Variants in FKBP9 observed in about 807,000 individuals in gnomAD.
FKBP9 encodes peptidyl-prolyl cis-trans isomerase FKBP9.
FKBP9 carries 27 observed loss-of-function variants against 55.6 expected under a neutral mutation model. The ratio of observed to expected loss-of-function variants is 0.49; its 90% CI spans 0.36 to 0.67. FKBP9 has a LOEUF of 0.67. Ranked by LOEUF, FKBP9 falls within the 30% of genes least tolerant of loss-of-function variation. FKBP9 has a pLI of 0.00. For synonymous variants in FKBP9, 267 were observed against 296.5 expected, an observed-to-expected ratio of 0.90 and a Z score of 1.02; for missense variants, 539 against 742.8, an observed-to-expected ratio of 0.73 and a Z score of 3.19.
chr7:32,983,439 C>T (rs187861637), intron 5 of FKBP9, among the ~76,000 whole-genome samples: 37 of 151,498 alleles, frequency 2.4e-4, no homozygotes, highest in African/African-American at 6.8e-4. Flanking sequence ...CTCAGCCTCC[C>T]GAGTAGCTAG....
chr7:32,986,998 A>G (rs1376486907), intron 5 of FKBP9, among the ~76,000 whole-genome samples: 2 of 152,210 alleles, frequency 1.3e-5, no homozygotes, highest in African/African-American at 2.4e-5. Flanking sequence ...AACTCATGGT[A>G]ATAGAATCAC....
At chr7:32,975,985 G>T (rs1363179428) in intron 3 of FKBP9, among the ~76,000 whole-genome samples, 1 of 152,124 alleles carries the variant, frequency 6.6e-6, no homozygotes, top group Non-Finnish European at 1.5e-5. Flanking sequence ...TGCACGTTTT[G>T]GTTCCTTTTT....
chr7:33,000,229 G>A lies in FKBP9; in HGVS notation c.1341G>A (p.Pro447=), dbSNP rs769297248. 66 of 1,612,912 alleles carry A rather than the reference G, an allele frequency of 4.1e-5. No individual in the cohort carries two copies. The highest frequency in any genetic ancestry group is 5.2e-5 in the Non-Finnish European group (61 of 1,179,476). ...CVGEKRTVII[P]PHLGYGEAGV... ...GCGAGAAACGGACAGTGATCATTCC[G>A]CCTCACCTGGGCTATGGGGAAGCTG... Residue 447 remains proline, a synonymous_variant, in exon 8 of 10, where the codon CCG becomes CCA. Coordinates refer to ENST00000242209, the MANE Select transcript of FKBP9 (RefSeq NM_007270.5).
At chr7:32,987,960 AC>A (rs1784608278) in intron 5 of FKBP9, among the ~76,000 whole-genome samples, 1 of 152,094 alleles carries the variant, frequency 6.6e-6, no homozygotes, top group Admixed American at 6.6e-5. Context: ...CAGGAGGATC[AC>A]TTGATCCAGG....
intron 5 of FKBP9, among the ~76,000 whole-genome samples, chr7:32,987,440 A>G (rs1415025385): frequency 6.6e-6 from 1 of 150,860 alleles, no homozygotes; most frequent in African/African-American, 2.4e-5. Flanking sequence ...GGCTGCAGTG[A>G]GCTGAGACCA....
At chr7:32,971,438 T>TTTC (rs939369704) in intron 1 of FKBP9, among the ~76,000 whole-genome samples, 2 of 152,126 alleles carry the variant, frequency 1.3e-5, no homozygotes, top group African/African-American at 4.8e-5. Flanking sequence ...GCAACAACTC[T>TTTC]TTCTTTCTTC....
At chr7:32,977,030 G>A (rs576938861) in intron 4 of FKBP9, among the ~76,000 whole-genome samples, 4 of 152,184 alleles carry the variant, frequency 2.6e-5, no homozygotes, top group Admixed American at 6.5e-5. Flanking sequence ...AGATTTCCCC[G>A]TTTGCACCTC....
At chr7:32,985,432 G>C (rs565545234) in intron 5 of FKBP9, among the ~76,000 whole-genome samples, 1 of 151,078 alleles carries the variant, frequency 6.6e-6, no homozygotes, top group African/African-American at 2.4e-5. Context: ...CACCCACCTC[G>C]GCCTCCCAAA....
Position 32,988,624 on chromosome 7 carries a change from T to A in FKBP9, c.1011T>A (p.Pro337=). ...AAAAGCGAAGGATTGTGGTCCCGCCTCACCTGGGGTATGGAGAGGAAGGAA... is the reference window on the plus strand; with the variant it reads ...AAAAGCGAAGGATTGTGGTCCCGCCACACCTGGGGTATGGAGAGGAAGGAA... ...IGEKRRIVVP[P]HLGYGEEGRG... The change falls in exon 6 of 10, where the codon CCT becomes CCA. Residue 337 remains proline, a synonymous_variant. Transcript: ENST00000242209. The A allele has an allele frequency of 6.2e-7, 1 of 1,613,994 alleles. No individual in the cohort carries two copies. The highest frequency in any genetic ancestry group is 8.5e-7 in the Non-Finnish European group (1 of 1,179,858).
chr7:32,962,015 T>TC (rs1784035656), intron 1 of FKBP9, among the ~76,000 whole-genome samples: 1 of 151,436 alleles, frequency 6.6e-6, no homozygotes, highest in Non-Finnish European at 1.5e-5. Flanking sequence ...CCCAAAACCA[T>TC]CCCCCCACCC....
Position 32,969,567 on chromosome 7 carries a change from C to G in FKBP9, c.222-5050C>G, listed in dbSNP as rs1045406029. On this transcript the variant is annotated intron_variant, in intron 1 of 9. Transcript: ENST00000242209. The stretch of plus-strand genomic sequence containing the variant: ...AAGTTTATTTCTGGGCTATTTTGAT[C>G]TATTGGTCTATGTGTCTGTATTTGG... Among the ~76,000 whole-genome samples the G allele has an allele frequency of 9.2e-5, 14 of 152,142 alleles. 1 individual carries two copies. The South Asian group carries it at 2.5e-3, about 27-fold the overall frequency.
intron 4 of FKBP9, chr7:32,979,363 A>C (rs1784425916): frequency 1.5e-6 from 1 of 648,210 alleles, no homozygotes; most frequent in East Asian, 2.7e-5. Context: ...AAGGCACAAA[A>C]GATTAATATT....
chr7:32,988,029 T>C (rs963107138), intron 5 of FKBP9, among the ~76,000 whole-genome samples: 1 of 149,964 alleles, frequency 6.7e-6, no homozygotes, highest in African/African-American at 2.4e-5. Context: ...AAAAAAAAAG[T>C]ATTAGCTAGG....
At chr7:32,998,464 G>T (rs1562575765) in intron 7 of FKBP9, 3 of 152,144 alleles carry the variant, frequency 2.0e-5, no homozygotes. Context: ...ATAACATCCT[G>T]GCAGAGCACT....
intron 1 of FKBP9, among the ~76,000 whole-genome samples, chr7:32,972,107 T>C (rs1784264391): frequency 6.6e-6 from 1 of 152,148 alleles, no homozygotes; most frequent in Admixed American, 6.5e-5. Flanking sequence ...CCCATTATTA[T>C]AATAAATCTG....
intron 1 of FKBP9, among the ~76,000 whole-genome samples, chr7:32,962,013 C>T (rs1054446935): frequency 4.0e-5 from 6 of 151,878 alleles, no homozygotes; most frequent in African/African-American, 1.5e-4. Context: ...ATCCCAAAAC[C>T]ATCCCCCCAC....
At chr7:33,001,483 C>T (rs192599489) in intron 8 of FKBP9, among the ~76,000 whole-genome samples, 105 of 151,830 alleles carry the variant, frequency 6.9e-4, no homozygotes, top group East Asian at 5.6e-3. Flanking sequence ...TGCAGTGAGC[C>T]GAGATCGTGC....
Position 32,974,692 on chromosome 7 carries a change from T to C in FKBP9, c.297T>C (p.Val99=). 1 of 1,613,942 alleles carries C rather than the reference T, an allele frequency of 6.2e-7. No homozygotes were observed. Among genetic ancestry groups the C allele is most frequent in the South Asian group, 1.1e-5 (1 of 91,068 alleles). Residue 99 remains valine, a synonymous_variant, in exon 2 of 10, where the codon GTT becomes GTC. Transcript: ENST00000242209. ...TCACAGGGATGGACCAGGCTCTTGT[T>C]GGGATGTGCGTAAACGAGAGACGTT... ...QLITGMDQAL[V]GMCVNERRFV... is the part of the protein sequence containing the mutation.
chr7:32,965,812 AAT>A (rs57598279), intron 1 of FKBP9, among the ~76,000 whole-genome samples: 41 of 34,938 alleles, frequency 1.2e-3, no homozygotes, highest in Admixed American at 3.2e-3. Flanking sequence ...AAAAAAAAAA[AAT>A]ATATATATAT....
Sources: allele counts gnomAD v4.1 joint callset (sites outside exome capture counted in the v4.1 genomes callset), GRCh38; gene constraint gnomAD v4.1.1; transcripts MANE v1.5; gene names NCBI Gene and HGNC (gene_info 2026-07-23, HGNC 2026-07-21).